The following SSBP2 variants were observed in gnomAD, a reference collection of about 807,000 sequenced individuals.
The protein encoded by SSBP2 is single stranded DNA binding protein 2.
SSBP2 carries 17 observed loss-of-function variants against 61.8 expected under a neutral mutation model. The ratio of observed to expected loss-of-function variants is 0.28; its 90% CI spans 0.19 to 0.41. The LOEUF is 0.41. Among genes scored for constraint, SSBP2 ranks in the 10% least tolerant of loss-of-function variants. The pLI is 1.00. For missense variants in SSBP2, 310 were observed against 458.7 expected, an observed-to-expected ratio of 0.68 and a Z score of 2.96; for synonymous variants, 139 against 141.3, an observed-to-expected ratio of 0.98 and a Z score of 0.12.
intron 2 of SSBP2, among the ~76,000 whole-genome samples, chr5:81,644,714 G>A (rs781140193): frequency 6.6e-6 from 1 of 152,106 alleles, no homozygotes; most frequent in Non-Finnish European, 1.5e-5. Flanking sequence ...ATAAAAAAGG[G>A]ATAGACCATA....
At chr5:81,501,768 A>G (rs566189306) in intron 5 of SSBP2, among the ~76,000 whole-genome samples, 66 of 151,424 alleles carry the variant, frequency 4.4e-4, no homozygotes, top group South Asian at 1.0e-3. Context: ...GGGTTTCACC[A>G]TGTTAGCCAG....
chr5:81,465,457 T>C (rs534009849), intron 9 of SSBP2, among the ~76,000 whole-genome samples: 6 of 152,150 alleles, frequency 3.9e-5, no homozygotes, highest in Middle Eastern at 3.4e-3. Flanking sequence ...AATCTCTCAA[T>C]GGTCACATAG....
intron 1 of SSBP2, among the ~76,000 whole-genome samples, chr5:81,658,172 C>G (rs1226294047): frequency 6.6e-6 from 1 of 152,244 alleles, no homozygotes; most frequent in African/African-American, 2.4e-5. Flanking sequence ...GAATGTATTC[C>G]TAATCTAAAT....
intron 2 of SSBP2, among the ~76,000 whole-genome samples, chr5:81,637,172 C>G (rs1158061199): frequency 6.6e-6 from 1 of 152,212 alleles, no homozygotes; most frequent in African/African-American, 2.4e-5. Flanking sequence ...ATCAGCACAG[C>G]TGGGCAATAT....
intron 6 of SSBP2, among the ~76,000 whole-genome samples, chr5:81,482,840 C>T (rs1766095146): frequency 6.6e-6 from 1 of 152,238 alleles, no homozygotes; most frequent in African/African-American, 2.4e-5. Flanking sequence ...GCACAAGAGG[C>T]CTAGCTTTTG....
At chr5:81,474,386 C>G in intron 7 of SSBP2, 110 bp downstream of exon 7, 2 of 885,112 alleles carry the variant, frequency 2.3e-6, no homozygotes, top group Non-Finnish European at 3.5e-6. Flanking sequence ...AAAAATGCAA[C>G]TGGTATAACT....
At chr5:81,467,562 A>C (rs1325642513) in intron 8 of SSBP2, among the ~76,000 whole-genome samples, 1 of 152,072 alleles carries the variant, frequency 6.6e-6, no homozygotes, top group Non-Finnish European at 1.5e-5. Flanking sequence ...AAAAGTATAA[A>C]AACTAATGTA....
intron 16 of SSBP2, among the ~76,000 whole-genome samples, chr5:81,428,179 C>T (rs1475742403): frequency 6.6e-6 from 1 of 152,118 alleles, no homozygotes. Flanking sequence ...CCAATTTGGC[C>T]TTCAGTCCAG....
intron 2 of SSBP2, among the ~76,000 whole-genome samples, chr5:81,637,701 T>C (rs1748367002): frequency 6.6e-6 from 1 of 152,196 alleles, no homozygotes; most frequent in Non-Finnish European, 1.5e-5. Context: ...AACTGGTTAG[T>C]ACATGAAAAT....
At chr5:81,627,712 G>A (rs1382317391) in intron 3 of SSBP2, among the ~76,000 whole-genome samples, 1 of 151,974 alleles carries the variant, frequency 6.6e-6, no homozygotes, top group Admixed American at 6.6e-5. Context: ...TATAAATACA[G>A]GGGACCAAAG....
intron 4 of SSBP2, among the ~76,000 whole-genome samples, chr5:81,515,685 T>A (rs1015418276): frequency 8.6e-5 from 13 of 151,934 alleles, no homozygotes; most frequent in Middle Eastern, 3.4e-3. Context: ...ATTGCTTATT[T>A]TTTTTTTCTT....
intron 5 of SSBP2, among the ~76,000 whole-genome samples, chr5:81,504,982 C>G (rs539024741): frequency 6.6e-6 from 1 of 152,346 alleles, no homozygotes; most frequent in East Asian, 1.9e-4. Flanking sequence ...TTCTAGTCCC[C>G]TAAGAGTTGG....
At chr5:81,734,138 T>C (rs1454368168) in intron 1 of SSBP2, among the ~76,000 whole-genome samples, 1 of 152,218 alleles carries the variant, frequency 6.6e-6, no homozygotes, top group Non-Finnish European at 1.5e-5. Flanking sequence ...TTGGTAGATA[T>C]GGAAAAGTGA....
Position 81,531,257 on chromosome 5 carries a change from AAG to A in SSBP2, c.283-17542_283-17541del, listed in dbSNP as rs375257068. 3.4e-3 allele frequency among the ~76,000 whole-genome samples: 514 copies of A among 151,782 alleles called. 3 individuals carry two copies. Among genetic ancestry groups the A allele is most frequent in the African/African-American group, 0.012 (493 of 41,430 alleles). On this transcript the variant is annotated intron_variant, in intron 4 of 16. Coordinates refer to ENST00000320672, the MANE Select transcript of SSBP2 (RefSeq NM_012446.5). ...AAAAAAAAAAAGAAAAAAAAAAAGA[AAG>A]AAGATAATTTCAACTGGAAGATTAA...
chr5:81,546,055 GTTT>G (rs1429512713), intron 4 of SSBP2, among the ~76,000 whole-genome samples: 2 of 152,074 alleles, frequency 1.3e-5, no homozygotes, highest in Non-Finnish European at 2.9e-5. Flanking sequence ...TAAAGAGAAT[GTTT>G]AAGTACAAGC....
At chr5:81,438,775 T>C (rs1762829941) in intron 14 of SSBP2, among the ~76,000 whole-genome samples, 1 of 152,198 alleles carries the variant, frequency 6.6e-6, no homozygotes, top group Non-Finnish European at 1.5e-5. Context: ...ATAACAATAT[T>C]GCAAAGTGAA....
intron 3 of SSBP2, among the ~76,000 whole-genome samples, chr5:81,633,453 T>A (rs1747921128): frequency 6.6e-6 from 1 of 152,086 alleles, no homozygotes; most frequent in South Asian, 2.1e-4. Context: ...TTCCTCCTCA[T>A]TCCTTGGATG....
intron 4 of SSBP2, among the ~76,000 whole-genome samples, chr5:81,569,909 A>G (rs2153441381): frequency 6.6e-6 from 1 of 152,312 alleles, no homozygotes; most frequent in East Asian, 1.9e-4. Context: ...GTGGTTTTGA[A>G]AAACCTACAG....
At chr5:81,710,581 A>C in intron 1 of SSBP2, 1 of 407,252 alleles carries the variant, frequency 2.5e-6, no homozygotes. Flanking sequence ...AAATAACTAG[A>C]GGGGACTTCA....
Sources: allele counts gnomAD v4.1 joint callset (sites outside exome capture counted in the v4.1 genomes callset), GRCh38; gene constraint gnomAD v4.1.1; transcripts MANE v1.5; gene names NCBI Gene and HGNC (gene_info 2026-07-23, HGNC 2026-07-21).